Variants in IRF1 observed in about 807,000 individuals in gnomAD.
The protein encoded by IRF1 is interferon regulatory factor-1.
A neutral mutation model predicts 43.7 loss-of-function variants in IRF1; 13 were observed. The observed-to-expected ratio is 0.30, with a 90% CI of 0.19 to 0.47. The LOEUF is 0.47. IRF1 is among the 20% of genes least tolerant of loss of function. The probability of loss-of-function intolerance (pLI) is 0.99; values close to 1 mark genes in which losing one functional copy is unlikely to be tolerated. For missense variants in IRF1, 236 were observed against 408.9 expected (o/e 0.58, Z 3.65); for synonymous variants, 138 against 146.8 (o/e 0.94, Z 0.43).
At chr5:132,485,528 A>T in intron 8 of IRF1, 139 bp downstream of exon 8, 1 of 778,096 alleles carries the variant, frequency 1.3e-6, no homozygotes, top group Non-Finnish European at 2.3e-6. Context: ...AAGCCACGTG[A>T]ATGTGGCACT....
chr5:132,487,379 C>G, intron 3 of IRF1: 2 of 525,970 alleles, frequency 3.8e-6, no homozygotes, highest in East Asian at 3.3e-5. Context: ...GCACTAGAGT[C>G]CCCATATCCC....
Position 132,486,860 on chromosome 5 carries a change from G to C in IRF1, c.365-16C>G. ...GACTTTCTTTCTGTGGGGCAGACGG[G>C]CTGTCAGCCTTGGTGCAGGCTCTCC... On this transcript the variant is annotated splice_polypyrimidine_tract_variant and intron_variant, in intron 4 of 9. Coordinates refer to ENST00000245414, the MANE Select transcript of IRF1 (RefSeq NM_002198.3). The C allele has an allele frequency of 1.2e-6, 2 of 1,614,172 alleles. No individual in the cohort carries two copies. The highest frequency in any genetic ancestry group is 1.7e-6 in the Non-Finnish European group (2 of 1,180,034).
At chr5:132,488,618 C>T (rs62383675) in intron 2 of IRF1, 2,328 of 153,232 alleles carry the variant, frequency 0.015, 25 homozygotes, top group Non-Finnish European at 0.025. Context: ...GACACAGTGA[C>T]AAATATGAAG....
chr5:132,484,752 G>A (rs1416235094), intron 8 of IRF1: 10 of 486,682 alleles, frequency 2.1e-5, no homozygotes, highest in Middle Eastern at 5.3e-4. Flanking sequence ...GCATCTCCAC[G>A]ACTTCCCTCT....
chr5:132,489,626 C>T, intron 1 of IRF1, 143 bp from the exon 2 acceptor site: 1 of 610,826 alleles, frequency 1.6e-6, no homozygotes, highest in African/African-American at 1.8e-5. Flanking sequence ...AGGGGAGCTG[C>T]GCTGGAATAA....
rs749553260 is a variant in IRF1, at chr5:132,484,474, C to G, written c.741G>C (p.Gln247His). 1.2e-6 allele frequency: 2 copies of G among 1,614,230 alleles called. No individual in the cohort carries two copies. The highest frequency in any genetic ancestry group is 2.2e-5 in the South Asian group (2 of 91,090). The change falls in exon 9 of 10, where the codon CAG becomes CAC. Residue 247 changes from glutamine (Q) to histidine (H), a missense_variant. Physicochemically the swap from Gln to His is conservative, Grantham distance 24. This residue lies in a region of IRF1 where 170 missense variants were observed against 251.8 expected (regional missense o/e 0.68). Coordinates refer to ENST00000245414, the MANE Select transcript of IRF1 (RefSeq NM_002198.3). Reference protein sequence around the residue: ...IMKLLEQSEWQPTNVDGKGYL... With the variant: ...IMKLLEQSEWHPTNVDGKGYL... ...ACCCCTTCCCATCCACGTTTGTTGG[C>G]TGCCACTCCGACTGCTCCAAGAGCT... is the stretch of plus-strand genomic sequence containing the variant.
intron 8 of IRF1, 131 bp from the exon 9 acceptor site, chr5:132,484,628 T>C: frequency 8.5e-7 from 1 of 1,173,932 alleles, no homozygotes. Flanking sequence ...TCAGATAGGA[T>C]GCAGAAGTGC....
In IRF1 at chr5:132,487,146, A is replaced by G. The variant is rs775394297; in HGVS notation, c.188-16T>C. Reference sequence around the variant, plus strand: ...TTGTATCGGCCTAGAGGGCAGGAGAAAAAAGAGGATCGTCAGGGCCATGGG... The same window carrying G: ...TTGTATCGGCCTAGAGGGCAGGAGAGAAAAGAGGATCGTCAGGGCCATGGG... On this transcript the variant is annotated splice_polypyrimidine_tract_variant and intron_variant, in intron 3 of 9. Coordinates refer to ENST00000245414, the MANE Select transcript of IRF1 (RefSeq NM_002198.3). 6.2e-7 allele frequency: 1 copy of G among 1,611,624 alleles called. No homozygotes were observed. Among genetic ancestry groups the G allele is most frequent in the Non-Finnish European group, 8.5e-7 (1 of 1,177,936 alleles).
Position 132,488,014 on chromosome 5 carries a change from G to T in IRF1, c.99C>A (p.Ile33=). 1 of 1,611,528 alleles carries T rather than the reference G, an allele frequency of 6.2e-7. No homozygotes were observed. The highest frequency in any genetic ancestry group is 8.5e-7 in the Non-Finnish European group (1 of 1,178,278). The change falls in exon 3 of 10, where the codon ATC becomes ATA. Residue 33 remains isoleucine (I), a synonymous_variant. Transcript: ENST00000245414. ...CAGCATGCTTCCATGGGATCTGGAA[G>T]ATCATCTCCTCCTGAACAATACACA... is the stretch of plus-strand genomic sequence containing the variant. The part of the protein sequence containing the change: ...GLIWINKEEM[I]FQIPWKHAAK...
At chr5:132,486,118 T>G in intron 7 of IRF1, 133 bp downstream of exon 7, 1 of 1,255,830 alleles carries the variant, frequency 8.0e-7, no homozygotes, top group Admixed American at 1.9e-5. Context: ...CCCCCTATGG[T>G]GGCTAAGACT....
At chr5:132,485,793 A>G in intron 7 of IRF1, 77 bp from the exon 8 acceptor site, 2 of 1,084,128 alleles carry the variant, frequency 1.8e-6, no homozygotes, top group Non-Finnish European at 2.9e-6. Context: ...AGCCCACCAG[A>G]TCCCCCTGCC....
chr5:132,486,945 C>T lies in IRF1; in HGVS notation c.364+9G>A. 6.2e-7 allele frequency: 1 copy of T among 1,614,090 alleles called. No individual in the cohort carries two copies. ...GAGGGCTTCCCAAGGACCCAGAGTC[C>T]TTGGATACCTTTTCTCTGGTTCTTG... is the stretch of plus-strand genomic sequence containing the variant. On this transcript the variant is annotated intron_variant, in intron 4 of 9. Transcript: ENST00000245414.
chr5:132,486,327 G>C lies in IRF1; in HGVS notation c.591C>G (p.Ile197Met). The C allele has an allele frequency of 6.2e-7, 1 of 1,613,168 alleles. No homozygotes were observed. The highest frequency in any genetic ancestry group is 8.5e-7 in the Non-Finnish European group (1 of 1,179,984). Residue 197 changes from isoleucine to methionine, a missense_variant, in exon 7 of 10, where the codon ATC becomes ATG. Transcript: ENST00000245414. ...TGCTGTCCGGCACAACTTCCACTGG[G>C]ATGTGCCAGTCGGGGAGAGTGCTGC... ...AVSSTLPDWH[I>M]PVEVVPDSTS...
At position 132,489,493 on chromosome 5, in the gene IRF1, G is replaced by A. The variant is rs374199097; in HGVS notation, c.-5-10C>T. 1.1e-5 allele frequency: 17 copies of A among 1,607,506 alleles called. No homozygotes were observed. The highest frequency in any genetic ancestry group is 1.3e-5 in the African/African-American group (1 of 74,784). On this transcript the variant is annotated splice_polypyrimidine_tract_variant and intron_variant, in intron 1 of 9. Coordinates refer to ENST00000245414, the MANE Select transcript of IRF1 (RefSeq NM_002198.3). Reference sequence around the variant, plus strand: ...GTGATGGGCATGTTGGCTGTAAAGAGAACACAGAGGCTCCAGTCTGGAATC... The same window carrying A: ...GTGATGGGCATGTTGGCTGTAAAGAAAACACAGAGGCTCCAGTCTGGAATC...
In IRF1 at chr5:132,485,678, C is replaced by T. The variant is rs2126838142; in HGVS notation, c.706G>A (p.Asp236Asn). Residue 236 changes from aspartate (D) to asparagine (N), a missense_variant, in exon 8 of 10, where the codon GAC (aspartate) becomes AAC (asparagine). Transcript: ENST00000245414. ...DEDEEGKLPEDIMKLLEQSEW... is the reference protein window; with the variant it reads ...DEDEEGKLPENIMKLLEQSEW... Reference sequence around the variant, plus strand: ...GGAAGGGGCTTTACCTTCATGATGTCCTCAGGTAATTTCCCTTCCTCATCC... The same window carrying T: ...GGAAGGGGCTTTACCTTCATGATGTTCTCAGGTAATTTCCCTTCCTCATCC... 6.2e-7 allele frequency: 1 copy of T among 1,612,984 alleles called. No individual in the cohort carries two copies. The highest frequency in any genetic ancestry group is 8.5e-7 in the Non-Finnish European group (1 of 1,179,140).
chr5:132,487,384 T>C (rs115206795), intron 3 of IRF1: 11 of 520,824 alleles, frequency 2.1e-5, no homozygotes, highest in Non-Finnish European at 3.5e-5. Context: ...AGAGTCCCCA[T>C]ATCCCCAAAG....
chr5:132,488,014 G>C lies in IRF1; in HGVS notation c.99C>G (p.Ile33Met). Reference protein sequence around the residue: ...GLIWINKEEMIFQIPWKHAAK... With the variant: ...GLIWINKEEMMFQIPWKHAAK... Reference sequence around the variant, plus strand: ...CAGCATGCTTCCATGGGATCTGGAAGATCATCTCCTCCTGAACAATACACA... The same window carrying C: ...CAGCATGCTTCCATGGGATCTGGAACATCATCTCCTCCTGAACAATACACA... The change falls in exon 3 of 10, where the codon ATC becomes ATG. Residue 33 changes from isoleucine to methionine, a missense_variant. Ile to Met is a conservative substitution (Grantham distance 10, BLOSUM62 1). This residue lies in a region of IRF1 where 66 missense variants were observed against 157.1 expected (regional missense o/e 0.42). Coordinates refer to ENST00000245414, the MANE Select transcript of IRF1 (RefSeq NM_002198.3). 6.2e-7 allele frequency: 1 copy of C among 1,611,528 alleles called. No homozygotes were observed. Among genetic ancestry groups the C allele is most frequent in the Admixed American group, 1.7e-5 (1 of 60,030 alleles).
rs756161369 is a variant in IRF1, at chr5:132,489,398, A to G, written c.81T>C (p.Ile27=). Residue 27 remains isoleucine, a synonymous_variant, in exon 2 of 10, where the codon ATT becomes ATC. Transcript: ENST00000245414. The stretch of plus-strand genomic sequence containing the variant: ...CCCAAAGAGTTACACTCACTTTATT[A>G]ATCCAGATGAGCCCCGGGATTTGGT... The part of the protein sequence containing the change: ...NSNQIPGLIW[I]NKEEMIFQIP... 2 of 1,612,342 alleles carry G rather than the reference A, an allele frequency of 1.2e-6. No homozygotes were observed. Among genetic ancestry groups the G allele is most frequent in the Non-Finnish European group, 8.5e-7 (1 of 1,178,374 alleles).
At chr5:132,484,123 A>T (rs564511749) in intron 9 of IRF1, 48 bp from the exon 10 acceptor site, 1 of 1,605,094 alleles carries the variant, frequency 6.2e-7, no homozygotes, top group South Asian at 1.1e-5. Context: ...CGGTGGCATC[A>T]GGTGTGCTTC....
Sources: gnomAD v4.1 joint callset for allele counts on GRCh38, gnomAD v4.1.1 for gene constraint, gnomAD v4.1.1 regional missense constraint, MANE v1.5 for transcripts, NCBI Gene and HGNC (gene_info 2026-07-23, HGNC 2026-07-21) for gene names.